SLC12A2: variants seen among roughly 807,000 people sequenced by gnomAD.
SLC12A2 encodes Na-K-2Cl cotransporter 1.
SLC12A2 carries 67 observed loss-of-function variants against 136.3 expected under a neutral mutation model. That is an observed-to-expected ratio of 0.49 (90% confidence interval 0.40 to 0.60). The LOEUF (loss-of-function observed/expected upper bound fraction) is 0.60. Among genes scored for constraint, SLC12A2 ranks in the 20% least tolerant of loss-of-function variants. SLC12A2 has a pLI of 0.00. For missense variants in SLC12A2, 1,322 were observed against 1,534.7 expected (o/e 0.86, Z 2.32); for synonymous variants, 619 against 562.9 (o/e 1.10, Z -1.41).
At chr5:128,173,448 G>C (rs1385722072) in intron 19 of SLC12A2, among the ~76,000 whole-genome samples, 1 of 152,100 alleles carries the variant, frequency 6.6e-6, no homozygotes, top group Non-Finnish European at 1.5e-5. Flanking sequence ...CTTTTAAAAA[G>C]TATTTTCATG....
chr5:128,168,089 C>A (rs59484271), intron 18 of SLC12A2: 2 of 258,916 alleles, frequency 7.7e-6, no homozygotes, highest in Non-Finnish European at 1.4e-5. Context: ...TATATATATA[C>A]ACACACACAC....
intron 15 of SLC12A2, among the ~76,000 whole-genome samples, chr5:128,156,300 G>T (rs186682437): frequency 5.5e-4 from 84 of 152,028 alleles, no homozygotes; most frequent in Admixed American, 5.4e-3. Context: ...TCTTCCAGTT[G>T]CTTTCTAGCT....
chr5:128,126,026 A>C (rs753650751), intron 4 of SLC12A2, among the ~76,000 whole-genome samples: 1 of 152,204 alleles, frequency 6.6e-6, no homozygotes, highest in African/African-American at 2.4e-5. Context: ...TGTGTATCCT[A>C]TGCTGGTACT....
At chr5:128,120,094 A>G (rs1441314013) in intron 4 of SLC12A2, among the ~76,000 whole-genome samples, 2 of 152,148 alleles carry the variant, frequency 1.3e-5, no homozygotes, top group Admixed American at 1.3e-4. Context: ...TGCAGCCAAA[A>G]GACACATGAA....
At position 128,098,821 on chromosome 5, in the gene SLC12A2, A is replaced by G. The variant is rs998526861; in HGVS notation, c.757-13993A>G. 5.9e-5 allele frequency among the ~76,000 whole-genome samples: 9 copies of G among 152,118 alleles called. 1 individual carries two copies. Among genetic ancestry groups the G allele is most frequent in the Admixed American group, 1.3e-4 (2 of 15,250 alleles). ...CCTGCATTTGTGTAATTTGGTGGCC[A>G]GCAGAGATTCGGGGGCTTACCCTTG... On this transcript the variant is annotated intron_variant, in intron 1 of 26. Transcript: ENST00000262461.
At chr5:128,148,456 T>C (rs527298973) in intron 11 of SLC12A2, among the ~76,000 whole-genome samples, 1 of 151,962 alleles carries the variant, frequency 6.6e-6, no homozygotes, top group African/African-American at 2.4e-5. Context: ...GTCATATTTA[T>C]CAAGCTTCCA....
intron 19 of SLC12A2, among the ~76,000 whole-genome samples, chr5:128,173,962 T>G (rs1157098766): frequency 1.3e-5 from 2 of 152,178 alleles, no homozygotes; most frequent in Non-Finnish European, 2.9e-5. Context: ...CTTGGTTTTA[T>G]AGAGTGGGTA....
chr5:128,172,671 A>C (rs1356812852), intron 19 of SLC12A2, among the ~76,000 whole-genome samples: 1 of 152,214 alleles, frequency 6.6e-6, no homozygotes, highest in Non-Finnish European at 1.5e-5. Flanking sequence ...CAACTTTATA[A>C]AAACTATGGC....
At chr5:128,143,434 C>G (rs1407216119) in intron 10 of SLC12A2, among the ~76,000 whole-genome samples, 2 of 152,102 alleles carry the variant, frequency 1.3e-5, no homozygotes, top group Non-Finnish European at 2.9e-5. Flanking sequence ...AACATACAAA[C>G]TAGACAGGTT....
intron 1 of SLC12A2, among the ~76,000 whole-genome samples, chr5:128,094,936 G>T (rs1030576295): frequency 6.6e-6 from 1 of 152,090 alleles, no homozygotes; most frequent in Admixed American, 6.6e-5. Context: ...GGACAATTGA[G>T]ATACCAAAGA....
rs745547842 is a variant in SLC12A2 at position 128,141,989 on chromosome 5, T to C, written c.1773+8T>C. On this transcript the variant is annotated splice_region_variant and intron_variant, in intron 10 of 26. Coordinates refer to ENST00000262461, the MANE Select transcript of SLC12A2 (RefSeq NM_001046.3). ...CTAATGAACAACTTCCAGGTGAGCA[T>C]TGACTTTGTAATATACAGACATTCT... 1.6e-5 allele frequency: 25 copies of C among 1,612,448 alleles called. No homozygotes were observed. Among genetic ancestry groups the C allele is most frequent in the Middle Eastern group, 1.6e-4 (1 of 6,078 alleles).
chr5:128,157,980 G>T (rs1762915222), intron 15 of SLC12A2, 73 bp from the exon 16 acceptor site: 3 of 1,263,246 alleles, frequency 2.4e-6, no homozygotes, highest in Non-Finnish European at 3.4e-6. Flanking sequence ...AGCTTCTTAG[G>T]GAAACAACTT....
At position 128,148,744 on chromosome 5, in the gene SLC12A2, C is replaced by G. The variant is rs1561687677; in HGVS notation, c.1882-10C>G. On this transcript the variant is annotated splice_polypyrimidine_tract_variant and intron_variant, in intron 11 of 26. Transcript: ENST00000262461. ...TTAATATGTTTCATTTTAATGTTTTCTTTCATTAGGCTCTATGTAAGGACA... is the reference window on the plus strand; with the variant it reads ...TTAATATGTTTCATTTTAATGTTTTGTTTCATTAGGCTCTATGTAAGGACA... 4 of 1,567,432 alleles carry G rather than the reference C, an allele frequency of 2.6e-6. No individual in the cohort carries two copies. Among genetic ancestry groups the G allele is most frequent in the Non-Finnish European group, 3.4e-6 (4 of 1,163,676 alleles).
chr5:128,148,745 T>C lies in SLC12A2; in HGVS notation c.1882-9T>C. 2 of 1,569,814 alleles carry C rather than the reference T, an allele frequency of 1.3e-6. No individual in the cohort carries two copies. Among genetic ancestry groups the C allele is most frequent in the Non-Finnish European group, 1.7e-6 (2 of 1,164,882 alleles). Reference sequence around the variant, plus strand: ...TAATATGTTTCATTTTAATGTTTTCTTTCATTAGGCTCTATGTAAGGACAA... The same window carrying C: ...TAATATGTTTCATTTTAATGTTTTCCTTCATTAGGCTCTATGTAAGGACAA... On this transcript the variant is annotated splice_polypyrimidine_tract_variant and intron_variant, in intron 11 of 26. Transcript: ENST00000262461.
intron 12 of SLC12A2, 73 bp from the exon 13 acceptor site, chr5:128,149,924 T>C: frequency 9.8e-7 from 1 of 1,024,182 alleles, no homozygotes; most frequent in Non-Finnish European, 1.5e-6. Context: ...ATCTAAAGAT[T>C]TGAAATACTT....
chr5:128,166,173 A>AT (rs960110948), intron 17 of SLC12A2, among the ~76,000 whole-genome samples: 104 of 151,112 alleles, frequency 6.9e-4, no homozygotes, highest in Non-Finnish European at 9.2e-4. Context: ...ATTTGAATTA[A>AT]TTTTTTTTTC....
intron 4 of SLC12A2, among the ~76,000 whole-genome samples, chr5:128,120,471 A>G (rs1761517381): frequency 1.3e-5 from 2 of 151,860 alleles, no homozygotes; most frequent in African/African-American, 4.9e-5. Context: ...AATGTCCAAC[A>G]ATGATAGACT....
intron 17 of SLC12A2, among the ~76,000 whole-genome samples, chr5:128,166,844 A>T (rs1763220630): frequency 6.6e-6 from 1 of 152,048 alleles, no homozygotes; most frequent in South Asian, 2.1e-4. Context: ...AAATACTAAA[A>T]CTTGTGTGTG....
chr5:128,099,573 C>T (rs558854512), intron 1 of SLC12A2, among the ~76,000 whole-genome samples: 85 of 152,210 alleles, frequency 5.6e-4, no homozygotes, highest in Non-Finnish European at 1.1e-3. Context: ...TTGTTTAAAA[C>T]TTTTTGACAC....
Sources: allele counts gnomAD v4.1 joint callset (sites outside exome capture counted in the v4.1 genomes callset), GRCh38; gene constraint gnomAD v4.1.1; transcripts MANE v1.5; gene names NCBI Gene and HGNC (gene_info 2026-07-23, HGNC 2026-07-21).